Variants in CDH1 observed in about 807,000 individuals in gnomAD.
CDH1 encodes cadherin 1.
CDH1 carries 35 observed loss-of-function variants against 84.5 expected under a neutral mutation model. The observed-to-expected ratio is 0.41, with a 90% CI of 0.32 to 0.55. The LOEUF is 0.55. CDH1 is among the 20% of genes least tolerant of loss of function. The probability of loss-of-function intolerance (pLI) is 0.19; values close to 1 mark genes in which losing one functional copy is unlikely to be tolerated. For missense variants in CDH1, 994 were observed against 1,126.6 expected (o/e 0.88, Z 1.68); for synonymous variants, 417 against 439.0 (o/e 0.95, Z 0.63).
intron 10 of CDH1, among the ~76,000 whole-genome samples, chr16:68,818,427 G>T (rs1428721901): frequency 1.3e-5 from 2 of 151,840 alleles, no homozygotes; most frequent in Admixed American, 6.6e-5. Context: ...AGACAGAGCA[G>T]ATGTGGCAAA....
At chr16:68,759,623 G>C (rs1963112659) in intron 2 of CDH1, among the ~76,000 whole-genome samples, 2 of 151,694 alleles carry the variant, frequency 1.3e-5, no homozygotes, top group Non-Finnish European at 2.9e-5. Flanking sequence ...CCAAGTAGCT[G>C]GGATTACAGG....
intron 2 of CDH1, among the ~76,000 whole-genome samples, chr16:68,772,233 C>G (rs1373215302): frequency 3.3e-5 from 5 of 152,188 alleles, no homozygotes; most frequent in Admixed American, 1.3e-4. Context: ...ACCACCTAAT[C>G]GGGCAGGCCT....
intron 2 of CDH1, among the ~76,000 whole-genome samples, chr16:68,764,038 C>T (rs1294587290): frequency 6.6e-6 from 1 of 152,022 alleles, no homozygotes; most frequent in Non-Finnish European, 1.5e-5. Flanking sequence ...GCTTTCCCTC[C>T]CAGAGGTTTT....
At chr16:68,778,583 A>G (rs906631732) in intron 2 of CDH1, among the ~76,000 whole-genome samples, 24 of 152,158 alleles carry the variant, frequency 1.6e-4, no homozygotes, top group African/African-American at 5.3e-4. Context: ...GCTTCTGGGA[A>G]ACCACAGCTC....
intron 2 of CDH1, among the ~76,000 whole-genome samples, chr16:68,792,996 G>A (rs1960251246): frequency 1.3e-5 from 2 of 152,156 alleles, no homozygotes; most frequent in Admixed American, 1.3e-4. Flanking sequence ...ACGTTAGAAG[G>A]AACTTGATAA....
At chr16:68,738,935 G>GC (rs1962480715) in intron 2 of CDH1, among the ~76,000 whole-genome samples, 1 of 18,160 alleles carries the variant, frequency 5.5e-5, no homozygotes, top group Non-Finnish European at 1.3e-4. Context: ...AGATATAAAA[G>GC]CTTTTTTTTT....
intron 2 of CDH1, among the ~76,000 whole-genome samples, chr16:68,779,897 T>G (rs1029340707): frequency 1.3e-5 from 2 of 152,132 alleles, no homozygotes; most frequent in African/African-American, 4.8e-5. Flanking sequence ...GAGGCCACAG[T>G]GTCTGGCTGT....
At chr16:68,802,131 G>A (rs1016848657) in intron 3 of CDH1, among the ~76,000 whole-genome samples, 3 of 152,208 alleles carry the variant, frequency 2.0e-5, no homozygotes, top group Non-Finnish European at 4.4e-5. Flanking sequence ...TGGCCCCTGG[G>A]GGGACAAATC....
chr16:68,801,884 G>T lies in CDH1; in HGVS notation c.378G>T (p.Pro126=), dbSNP rs786201504. 2.5e-6 allele frequency: 4 copies of T among 1,613,072 alleles called. No individual in the cohort carries two copies. The highest frequency in any genetic ancestry group is 3.3e-5 in the Admixed American group (2 of 60,002). Reference sequence around the variant, plus strand: ...CAGTGGGGCACCACCACCGCCCCCCGCCCCATCAGGTATGTTGGCATTTTT... The same window carrying T: ...CAGTGGGGCACCACCACCGCCCCCCTCCCCATCAGGTATGTTGGCATTTTT... ...LNTVGHHHRP[P]PHQASVSGIQ... is the part of the protein sequence containing the mutation. Residue 126 remains proline (P), a synonymous_variant, in exon 3 of 16, where the codon CCG becomes CCT. Coordinates refer to ENST00000261769, the MANE Select transcript of CDH1 (RefSeq NM_004360.5).
At chr16:68,831,122 A>G (rs1314555678) in intron 15 of CDH1, among the ~76,000 whole-genome samples, 21 of 121,116 alleles carry the variant, frequency 1.7e-4, no homozygotes, top group Non-Finnish European at 2.5e-4. Context: ...TCTGTCGCCC[A>G]GGCTGGAGTG....
At chr16:68,759,023 T>A (rs1007983024) in intron 2 of CDH1, among the ~76,000 whole-genome samples, 2 of 152,136 alleles carry the variant, frequency 1.3e-5, no homozygotes, top group Non-Finnish European at 2.9e-5. Flanking sequence ...CTCAAACTCC[T>A]GACCTCAGAT....
chr16:68,802,633 G>A lies in CDH1; in HGVS notation c.387+740G>A, dbSNP rs34164193. Among the ~76,000 whole-genome samples the A allele has an allele frequency of 2.0e-3, 301 of 152,128 alleles. 10 individuals are homozygous for A. In the East Asian group the frequency reaches 0.053, roughly 27 times the overall value. On this transcript the variant is annotated intron_variant, in intron 3 of 15. Coordinates refer to ENST00000261769, the MANE Select transcript of CDH1 (RefSeq NM_004360.5). ...TTACAGGCGCCCGCCACCATACCCG[G>A]CTAATTTTTGTATTTTTAGTAGAGG...
chr16:68,824,794 A>G (rs1268826475), intron 13 of CDH1, among the ~76,000 whole-genome samples: 1 of 152,204 alleles, frequency 6.6e-6, no homozygotes, highest in Non-Finnish European at 1.5e-5. Flanking sequence ...ACACAGGGAG[A>G]AAGTACTGAA....
intron 2 of CDH1, among the ~76,000 whole-genome samples, chr16:68,788,693 A>ACCTAATTTTGGAGAACAGGATGTAAAGGG (rs1960130975): frequency 6.6e-6 from 1 of 152,170 alleles, no homozygotes; most frequent in African/African-American, 2.4e-5. Flanking sequence ...TAAATGGGTA[A>ACCTAATTTTGGAGAACAGGATGTAAAGGG]ATGTGAAATA....
chr16:68,816,817 T>C (rs1158433109), intron 10 of CDH1, among the ~76,000 whole-genome samples: 1 of 152,228 alleles, frequency 6.6e-6, no homozygotes, highest in Non-Finnish European at 1.5e-5. Flanking sequence ...TCTAGAGATA[T>C]TTCTACATGC....
At chr16:68,833,172 G>C in intron 15 of CDH1, 118 bp from the exon 16 acceptor site, 2 of 821,812 alleles carry the variant, frequency 2.4e-6, no homozygotes, top group Non-Finnish European at 4.2e-6. Flanking sequence ...TCACTGCTCC[G>C]TGGTGTGCCA....
At chr16:68,775,820 T>C (rs1959717728) in intron 2 of CDH1, among the ~76,000 whole-genome samples, 1 of 152,164 alleles carries the variant, frequency 6.6e-6, no homozygotes, top group African/African-American at 2.4e-5. Flanking sequence ...AAGTGTAAAC[T>C]TAGGTGTGGT....
Position 68,833,604 on chromosome 16 carries a change from A to T in CDH1, c.*105A>T, listed in dbSNP as rs1419696006. 1 of 857,970 alleles carries T rather than the reference A, an allele frequency of 1.2e-6. No homozygotes were observed. Among genetic ancestry groups the T allele is most frequent in the Admixed American group, 1.8e-5 (1 of 54,392 alleles). The allele number at this position is 857,970 out of a possible 1,614,324, so 53.1% of individuals were successfully genotyped here. On this transcript the variant is annotated 3_prime_UTR_variant, in exon 16 of 16. Coordinates refer to ENST00000261769, the MANE Select transcript of CDH1 (RefSeq NM_004360.5). ...TCCCTTGAGATGAGTTTCTGGGGAAAAAAAAGAGACTGGTTAGTGATGCAG... is the reference window on the plus strand; with the variant it reads ...TCCCTTGAGATGAGTTTCTGGGGAATAAAAAGAGACTGGTTAGTGATGCAG...
chr16:68,751,754 C>T lies in CDH1; in HGVS notation c.163+13343C>T, dbSNP rs554089160. Reference sequence around the variant, plus strand: ...CTAACCTCAGGTGATCCACCTGCCTCGGCCTCCCAAAGTGCTGGGATTATA... The same window carrying T: ...CTAACCTCAGGTGATCCACCTGCCTTGGCCTCCCAAAGTGCTGGGATTATA... On this transcript the variant is annotated intron_variant, in intron 2 of 15. Coordinates refer to ENST00000261769, the MANE Select transcript of CDH1 (RefSeq NM_004360.5). Among the ~76,000 whole-genome samples, 8 of 151,012 alleles carry T rather than the reference C, an allele frequency of 5.3e-5. No individual in the cohort carries two copies. In the South Asian group the frequency reaches 1.3e-3, roughly 24 times the overall value.
Sources: allele counts gnomAD v4.1 joint callset (sites outside exome capture counted in the v4.1 genomes callset), GRCh38; gene constraint gnomAD v4.1.1; transcripts MANE v1.5; gene names NCBI Gene and HGNC (gene_info 2026-07-23, HGNC 2026-07-21).